Variants in DHRS3 observed in about 807,000 individuals in gnomAD.
DHRS3 encodes dehydrogenase/reductase 3.
DHRS3 carries 14 observed loss-of-function variants against 27.2 expected under a neutral mutation model. The ratio of observed to expected loss-of-function variants is 0.52; its 90% CI spans 0.34 to 0.81. DHRS3 has a LOEUF of 0.81. DHRS3 is among the 30% of genes least tolerant of loss of function. The pLI is 0.01. For missense variants in DHRS3, 322 were observed against 406.2 expected, an observed-to-expected ratio of 0.79 and a Z score of 1.78; for synonymous variants, 165 against 175.9, an observed-to-expected ratio of 0.94 and a Z score of 0.49.
chr1:12,577,268 G>A (rs1646597897), intron 4 of DHRS3, among the ~76,000 whole-genome samples: 1 of 152,122 alleles, frequency 6.6e-6, no homozygotes, highest in African/African-American at 2.4e-5. Context: ...GCCATTTATT[G>A]GGCACTTAAT....
At chr1:12,609,837 G>A (rs1646894835) in intron 1 of DHRS3, among the ~76,000 whole-genome samples, 1 of 152,036 alleles carries the variant, frequency 6.6e-6, no homozygotes. Flanking sequence ...AGCCACACTG[G>A]CCACCTCTTG....
Position 12,618,198 on chromosome 1 carries a change from C to G in DHRS3, c.-850G>C, listed in dbSNP as rs1221896811. ...ACTTGGAGAGGGTCCGGGTGTGGAG[C>G]GCGCGTGGATCGGACGCCTTGGTCT... is the stretch of plus-strand genomic sequence containing the variant. On this transcript the variant is annotated 5_prime_UTR_variant, in exon 1 of 6. Coordinates refer to ENST00000616661, the MANE Select transcript of DHRS3 (RefSeq NM_004753.7). The surrounding 1 kb of genome is among the most constrained non-coding windows in gnomAD (Gnocchi z 4.2). Among the ~76,000 whole-genome samples, 1 of 152,180 alleles carries G rather than the reference C, an allele frequency of 6.6e-6. No homozygotes were observed. The highest frequency in any genetic ancestry group is 1.5e-5 in the Non-Finnish European group (1 of 68,016).
chr1:12,573,084 G>A (rs1205510533), intron 4 of DHRS3, among the ~76,000 whole-genome samples: 2 of 152,170 alleles, frequency 1.3e-5, no homozygotes, highest in Non-Finnish European at 1.5e-5. Context: ...CCCACCCACT[G>A]GGGACCCACT....
chr1:12,590,605 C>T (rs952685273), intron 1 of DHRS3, among the ~76,000 whole-genome samples: 6 of 152,042 alleles, frequency 3.9e-5, no homozygotes, highest in Admixed American at 1.3e-4. Flanking sequence ...CCACCGTGCC[C>T]GACCTAGAAT....
rs1434516033 is a variant in DHRS3 at position 12,580,606 on chromosome 1, T to A, written c.256A>T (p.Met86Leu). The A allele has an allele frequency of 1.9e-6, 3 of 1,614,026 alleles. No individual in the cohort carries two copies. Among genetic ancestry groups the A allele is most frequent in the South Asian group, 2.2e-5 (2 of 91,092 alleles). Residue 86 changes from methionine to leucine, a missense_variant, in exon 2 of 6, where the codon ATG becomes TTG. Coordinates refer to ENST00000616661, the MANE Select transcript of DHRS3 (RefSeq NM_004753.7). The part of the protein sequence containing the change: ...LKETTEEIRQ[M>L]GTECHYFICD... ...ATGAAGTAATGGCACTCAGTGCCCA[T>A]CTGCCGGATCTCCTCCGTCGTCTCC...
chr1:12,574,350 T>C lies in DHRS3; in HGVS notation c.699-1497A>G, dbSNP rs1442839552. On this transcript the variant is annotated intron_variant, in intron 4 of 5. Transcript: ENST00000616661. This position sits in a 1 kb window ranked among gnomAD's most constrained non-coding sequence, Gnocchi z 4.6. ...CATGCCCAGATAATTTTTATATTTT[T>C]TGTAGAGATGGGGTTTTGCCATGTT... is the stretch of plus-strand genomic sequence containing the variant. Among the ~76,000 whole-genome samples, 3 of 152,036 alleles carry C rather than the reference T, an allele frequency of 2.0e-5. No individual in the cohort carries two copies. The highest frequency in any genetic ancestry group is 7.2e-5 in the African/African-American group (3 of 41,382).
chr1:12,579,218 A>T (rs1028562998), intron 3 of DHRS3, 75 bp downstream of exon 3: 1 of 1,611,014 alleles, frequency 6.2e-7, no homozygotes, highest in African/African-American at 1.3e-5. Context: ...AGCCCTGGCA[A>T]ATCATCCCCT....
intron 1 of DHRS3, among the ~76,000 whole-genome samples, chr1:12,587,141 C>CTT (rs564825355): frequency 0.083 from 10,946 of 132,182 alleles, 697 homozygotes; most frequent in Non-Finnish European, 0.12. Flanking sequence ...CAACTCTAAA[C>CTT]TTTTTTTTTT....
intron 1 of DHRS3, among the ~76,000 whole-genome samples, chr1:12,587,366 C>T (rs1646705690): frequency 6.6e-6 from 1 of 151,676 alleles, no homozygotes; most frequent in African/African-American, 2.4e-5. Flanking sequence ...TGGTCTCAAG[C>T]TCCTGGGGCT....
rs59434867 is a variant in DHRS3, at chr1:12,572,314, C to T, written c.824+414G>A. Among the ~76,000 whole-genome samples the T allele has an allele frequency of 3.5e-3, 527 of 152,180 alleles. 6 individuals carry two copies. The highest frequency in any genetic ancestry group is 0.011 in the African/African-American group (475 of 41,518). ...TCCCGAGTAGCTAAGACTACAGGCG[C>T]CCACCACCATGCCCAGCTACTTTCT... On this transcript the variant is annotated intron_variant, in intron 5 of 5. Transcript: ENST00000616661.
chr1:12,606,817 A>T (rs1439360092), intron 1 of DHRS3, among the ~76,000 whole-genome samples: 3 of 152,164 alleles, frequency 2.0e-5, no homozygotes, highest in African/African-American at 7.2e-5. Context: ...AATTTTAAAC[A>T]AGTGGGATCA....
At chr1:12,605,956 TG>T (rs755742830) in intron 1 of DHRS3, among the ~76,000 whole-genome samples, 9 of 151,844 alleles carry the variant, frequency 5.9e-5, no homozygotes, top group Non-Finnish European at 1.2e-4. Flanking sequence ...CTGGCCAACA[TG>T]GTGAAATCCC....
intron 5 of DHRS3, among the ~76,000 whole-genome samples, chr1:12,571,484 C>A (rs1007974005): frequency 2.0e-4 from 30 of 151,592 alleles, no homozygotes; most frequent in African/African-American, 6.3e-4. Flanking sequence ...GGTCCAGGAA[C>A]CTTTGGGGTA....
In DHRS3 at chr1:12,578,705, C is replaced by A; in HGVS notation, c.698+13G>T. On this transcript the variant is annotated intron_variant, in intron 4 of 5. Coordinates refer to ENST00000616661, the MANE Select transcript of DHRS3 (RefSeq NM_004753.7). This position sits in a 1 kb window ranked among gnomAD's most constrained non-coding sequence, Gnocchi z 4.5. ...AGAAGGCTGGTCTCAAGGTGGGTCCCCTGCTCACTGACCTGACTCTCATGC... is the reference window on the plus strand; with the variant it reads ...AGAAGGCTGGTCTCAAGGTGGGTCCACTGCTCACTGACCTGACTCTCATGC... 6.2e-7 allele frequency: 1 copy of A among 1,606,106 alleles called. No individual in the cohort carries two copies. The highest frequency in any genetic ancestry group is 1.1e-5 in the South Asian group (1 of 90,940).
chr1:12,612,434 C>A (rs1458322566), intron 1 of DHRS3, among the ~76,000 whole-genome samples: 1 of 152,212 alleles, frequency 6.6e-6, no homozygotes, highest in Non-Finnish European at 1.5e-5. Context: ...TTCCCTCCCG[C>A]AATTCCAGCC....
rs1174626192 is a variant in DHRS3 at position 12,594,690 on chromosome 1, G to A, written c.196-14024C>T. Reference sequence around the variant, plus strand: ...GGGAACAGTTGGTGCAAAGGCCCTGGGGTGGGAATGAGCTTCCCCAGCACG... The same window carrying A: ...GGGAACAGTTGGTGCAAAGGCCCTGAGGTGGGAATGAGCTTCCCCAGCACG... On this transcript the variant is annotated intron_variant, in intron 1 of 5. Transcript: ENST00000616661. The surrounding 1 kb of genome is among the most constrained non-coding windows in gnomAD (Gnocchi z 4.1). 6.6e-6 allele frequency among the ~76,000 whole-genome samples: 1 copy of A among 152,128 alleles called. No homozygotes were observed. Among genetic ancestry groups the A allele is most frequent in the Non-Finnish European group, 1.5e-5 (1 of 68,014 alleles).
intron 5 of DHRS3, among the ~76,000 whole-genome samples, chr1:12,568,900 C>G (rs1441063164): frequency 6.6e-6 from 1 of 152,086 alleles, no homozygotes; most frequent in Non-Finnish European, 1.5e-5. Flanking sequence ...GCATTCCAGC[C>G]TGGGTGGCAG....
chr1:12,609,702 G>T (rs983425582), intron 1 of DHRS3, among the ~76,000 whole-genome samples: 3 of 152,216 alleles, frequency 2.0e-5, no homozygotes, highest in African/African-American at 4.8e-5. Context: ...TGTCACAGCA[G>T]CCAGGGGATC....
chr1:12,575,060 C>T (rs896668288), intron 4 of DHRS3, among the ~76,000 whole-genome samples: 1 of 152,122 alleles, frequency 6.6e-6, no homozygotes, highest in Non-Finnish European at 1.5e-5. Context: ...GGCGTGGTGG[C>T]TCATGCCTGT....
Sources: gnomAD v4.1 joint callset for allele counts (sites outside exome capture counted in the v4.1 genomes callset) on GRCh38, gnomAD v4.1.1 for gene constraint, Gnocchi (gnomAD v3.1) non-coding constraint, MANE v1.5 for transcripts, NCBI Gene and HGNC (gene_info 2026-07-23, HGNC 2026-07-21) for gene names.